The following UBTD1 variants were observed in gnomAD, a reference collection of about 807,000 sequenced individuals.
UBTD1 encodes ubiquitin domain-containing protein 1.
A neutral mutation model predicts 21.7 loss-of-function variants in UBTD1; 19 were observed. The ratio of observed to expected loss-of-function variants is 0.87; its 90% CI spans 0.61 to 1.28. The LOEUF is 1.28. Among genes scored for constraint, UBTD1 ranks in the 50% most tolerant of loss-of-function variants. UBTD1 has a pLI of 0.00. For missense variants in UBTD1, 282 were observed against 315.1 expected (o/e 0.89, Z 0.80); for synonymous variants, 116 against 135.1 (o/e 0.86, Z 0.98).
chr10:97,568,980 C>T (rs7077130), intron 2 of UBTD1, among the ~76,000 whole-genome samples: 2,347 of 152,258 alleles, frequency 0.015, 66 homozygotes, highest in African/African-American at 0.054. Flanking sequence ...TGCGCCATCA[C>T]GCCCAGCTAA....
At position 97,570,071 on chromosome 10, in the gene UBTD1, G is replaced by C; in HGVS notation, c.299-67G>C. ...GAGTTTCACCATATGAATTTGGGGG[G>C]ACCCAAACATTTAATCCATGATAGT... On this transcript the variant is annotated intron_variant, in intron 2 of 2. Coordinates refer to ENST00000370664, the MANE Select transcript of UBTD1 (RefSeq NM_024954.5). The surrounding 1 kb of genome is among the most constrained non-coding windows in gnomAD (Gnocchi z 6.6). 6.5e-7 allele frequency: 1 copy of C among 1,527,956 alleles called. No homozygotes were observed. Among genetic ancestry groups the C allele is most frequent in the Non-Finnish European group, 8.8e-7 (1 of 1,137,036 alleles). 94.6% of individuals were successfully genotyped at this position (1,527,956 alleles called of 1,614,324 possible). A position where few individuals can be genotyped will look rare whatever the true frequency, so the allele number is the denominator to read the frequency against.
chr10:97,514,075 G>T (rs1273813424), intron 1 of UBTD1, among the ~76,000 whole-genome samples: 2 of 151,492 alleles, frequency 1.3e-5, no homozygotes, highest in Non-Finnish European at 2.9e-5. Context: ...ATTATGGAAG[G>T]TATCGAATAG....
chr10:97,529,995 C>T (rs1233501366), intron 1 of UBTD1, among the ~76,000 whole-genome samples: 3 of 152,148 alleles, frequency 2.0e-5, no homozygotes, highest in Non-Finnish European at 2.9e-5. Flanking sequence ...AACTTTAAGA[C>T]CTTCCGCAGA....
chr10:97,566,699 C>A lies in UBTD1; in HGVS notation c.71-1215C>A, dbSNP rs74396363. 9.8e-4 allele frequency among the ~76,000 whole-genome samples: 149 copies of A among 152,344 alleles called. 1 individual carries two copies. Among genetic ancestry groups the A allele is most frequent in the African/African-American group, 3.3e-3 (136 of 41,568 alleles). On this transcript the variant is annotated intron_variant, in intron 1 of 2. Transcript: ENST00000370664. ...GAGATCGCTGCCTGCAATTCTCTTC[C>A]TTGCTTCCTTTTGCCCCAGCCAGTG...
chr10:97,534,107 A>G (rs766848519), intron 1 of UBTD1, among the ~76,000 whole-genome samples: 4 of 152,060 alleles, frequency 2.6e-5, no homozygotes, highest in African/African-American at 9.7e-5. Context: ...CCCTAAGACA[A>G]AGGTCTGAGG....
chr10:97,550,493 G>A (rs748778350), intron 1 of UBTD1, among the ~76,000 whole-genome samples: 4 of 152,044 alleles, frequency 2.6e-5, no homozygotes, highest in East Asian at 1.9e-4. Context: ...CCCTGCCTCC[G>A]CCTGCCTCCC....
chr10:97,547,290 C>T (rs1401010606), intron 1 of UBTD1, among the ~76,000 whole-genome samples: 1 of 152,218 alleles, frequency 6.6e-6, no homozygotes, highest in Non-Finnish European at 1.5e-5. Context: ...GAAAACCTAC[C>T]TCCCCTTCCT....
intron 1 of UBTD1, among the ~76,000 whole-genome samples, chr10:97,562,992 A>T (rs1589884286): frequency 6.6e-6 from 1 of 152,106 alleles, no homozygotes; most frequent in South Asian, 2.1e-4. Flanking sequence ...GCGGCGTGGG[A>T]ACCTATAGTG....
At chr10:97,505,082 G>A (rs774434695) in intron 1 of UBTD1, among the ~76,000 whole-genome samples, 1 of 152,132 alleles carries the variant, frequency 6.6e-6, no homozygotes, top group African/African-American at 2.4e-5. Context: ...TCCTTAACTC[G>A]CAGGGCAGGG....
intron 1 of UBTD1, among the ~76,000 whole-genome samples, chr10:97,503,071 C>T (rs1447608426): frequency 1.3e-5 from 2 of 152,072 alleles, no homozygotes; most frequent in African/African-American, 4.8e-5. Context: ...TGTGCACCAC[C>T]ACGCCCAGCT....
At chr10:97,504,962 T>C (rs1028825804) in intron 1 of UBTD1, among the ~76,000 whole-genome samples, 7 of 152,160 alleles carry the variant, frequency 4.6e-5, no homozygotes, top group African/African-American at 1.7e-4. Context: ...GAGGGCAAAG[T>C]GAAGCTCACT....
chr10:97,528,972 G>A (rs2040509884), intron 1 of UBTD1, among the ~76,000 whole-genome samples: 1 of 151,978 alleles, frequency 6.6e-6, no homozygotes, highest in African/African-American at 2.4e-5. Flanking sequence ...CCCGGACAGG[G>A]TGGCTGCCGG....
In UBTD1 at chr10:97,531,215, C is replaced by CT. The variant is rs11310713; in HGVS notation, c.70+31957dup. 2.0e-3 allele frequency among the ~76,000 whole-genome samples: 262 copies of CT among 133,484 alleles called. No homozygotes were observed. The Middle Eastern group carries it at 0.049, about 25-fold the overall frequency. The allele number at this position is 133,484 out of a possible 152,430, so 87.6% of individuals were successfully genotyped here. ...TTTTTTTAAATTTAACATATGCCAT[C>CT]TTTTTTTTTTTTTTTGAGATGGAGT... On this transcript the variant is annotated intron_variant, in intron 1 of 2. Coordinates refer to ENST00000370664, the MANE Select transcript of UBTD1 (RefSeq NM_024954.5).
At chr10:97,521,844 T>G (rs1250341198) in intron 1 of UBTD1, among the ~76,000 whole-genome samples, 1 of 152,244 alleles carries the variant, frequency 6.6e-6, no homozygotes. Flanking sequence ...AGGGATAGCA[T>G]GCACCTGTTT....
At chr10:97,512,042 C>T (rs914041318) in intron 1 of UBTD1, among the ~76,000 whole-genome samples, 1 of 152,166 alleles carries the variant, frequency 6.6e-6, no homozygotes, top group African/African-American at 2.4e-5. Context: ...TTTACTACAT[C>T]GGCCTTATCC....
chr10:97,534,616 C>G (rs1322720980), intron 1 of UBTD1, among the ~76,000 whole-genome samples: 1 of 150,520 alleles, frequency 6.6e-6, no homozygotes, highest in Non-Finnish European at 1.5e-5. Flanking sequence ...CACACACCAC[C>G]CTTACTCCTA....
intron 1 of UBTD1, among the ~76,000 whole-genome samples, chr10:97,516,412 G>A (rs1412757514): frequency 1.3e-5 from 2 of 152,242 alleles, no homozygotes; most frequent in African/African-American, 2.4e-5. Context: ...CAGGCAGCCA[G>A]TGAGGGGGCT....
In UBTD1 at chr10:97,570,659, G is replaced by A; in HGVS notation, c.*136G>A. ...GGTGGGTGAGCCGTGAAGGGACCCTGCCTTTCAGGGCACTACGCGCCACCA... is the reference window on the plus strand; with the variant it reads ...GGTGGGTGAGCCGTGAAGGGACCCTACCTTTCAGGGCACTACGCGCCACCA... On this transcript the variant is annotated 3_prime_UTR_variant, in exon 3 of 3. Coordinates refer to ENST00000370664, the MANE Select transcript of UBTD1 (RefSeq NM_024954.5). The surrounding 1 kb of genome is among the most constrained non-coding windows in gnomAD (Gnocchi z 6.6). The A allele has an allele frequency of 9.1e-7, 1 of 1,101,472 alleles. No homozygotes were observed. The highest frequency in any genetic ancestry group is 1.3e-6 in the Non-Finnish European group (1 of 775,316). The allele number at this position is 1,101,472 out of a possible 1,614,324, so 68.2% of individuals were successfully genotyped here. A position where few individuals can be genotyped will look rare whatever the true frequency, so the allele number is the denominator to read the frequency against.
intron 1 of UBTD1, among the ~76,000 whole-genome samples, chr10:97,506,092 G>C (rs1162980633): frequency 6.6e-6 from 1 of 152,166 alleles, no homozygotes; most frequent in African/African-American, 2.4e-5. Flanking sequence ...GACCACAAAA[G>C]GTTCTTTCTC....
Sources: allele counts gnomAD v4.1 joint callset (sites outside exome capture counted in the v4.1 genomes callset), GRCh38; gene constraint gnomAD v4.1.1; non-coding constraint Gnocchi (gnomAD v3.1); transcripts MANE v1.5; gene names NCBI Gene and HGNC (gene_info 2026-07-23, HGNC 2026-07-21).